KHDRBS2: variants seen among roughly 807,000 people sequenced by gnomAD.
KHDRBS2 encodes KH domain-containing, RNA-binding, signal transduction-associated protein 2.
In KHDRBS2, 26 loss-of-function variants were observed where a neutral mutation model predicts 44.3. The observed-to-expected ratio is 0.59, with a 90% CI of 0.43 to 0.81. The LOEUF (loss-of-function observed/expected upper bound fraction) is 0.81. Among genes scored for constraint, KHDRBS2 ranks in the 40% least tolerant of loss-of-function variants. The probability of loss-of-function intolerance (pLI) is 0.00; values close to 1 mark genes in which losing one functional copy is unlikely to be tolerated. For synonymous variants in KHDRBS2, 194 were observed against 151.1 expected, an observed-to-expected ratio of 1.28 and a Z score of -2.08; for missense variants, 476 against 433.1, an observed-to-expected ratio of 1.10 and a Z score of -0.88.
At chr6:62,283,963 T>A (rs1216564514) in intron 1 of KHDRBS2, among the ~76,000 whole-genome samples, 1 of 152,132 alleles carries the variant, frequency 6.6e-6, no homozygotes, top group African/African-American at 2.4e-5. Context: ...GATGTTTTTC[T>A]CTATTTAGGA....
the KHDRBS2 span, among the ~76,000 whole-genome samples, chr6:61,633,326 T>C: frequency 1.3e-5 from 2 of 152,008 alleles, no homozygotes; most frequent in Non-Finnish European, 2.9e-5. Flanking sequence ...TGGGAAGTAT[T>C]TGATGAACTT....
chr6:61,677,435 C>T (rs1310177967), downstream of KHDRBS2, among the ~76,000 whole-genome samples: 1 of 151,794 alleles, frequency 6.6e-6, no homozygotes, highest in East Asian at 1.9e-4. Flanking sequence ...TTTTGATGTG[C>T]AATCTTGCAG....
intron 4 of KHDRBS2, among the ~76,000 whole-genome samples, chr6:61,955,396 A>G: frequency 3.1e-5 from 1 of 32,618 alleles, no homozygotes; most frequent in Non-Finnish European, 5.2e-5. Flanking sequence ...ACGTATGTGT[A>G]TGTATACATA....
At chr6:61,558,366 A>T in the KHDRBS2 span, among the ~76,000 whole-genome samples, 1 of 152,098 alleles carries the variant, frequency 6.6e-6, no homozygotes, top group Admixed American at 6.6e-5. Flanking sequence ...GCTTGATACC[A>T]GCCTGAGCAA....
chr6:61,629,000 A>G, the KHDRBS2 span, among the ~76,000 whole-genome samples: 1 of 152,200 alleles, frequency 6.6e-6, no homozygotes, highest in Non-Finnish European at 1.5e-5. Context: ...TGAAGGTGAG[A>G]AAAATATTTT....
chr6:61,983,248 T>TCTTTCTTTCTTTC (rs1416908763), intron 3 of KHDRBS2, among the ~76,000 whole-genome samples: 67 of 42,552 alleles, frequency 1.6e-3, no homozygotes, highest in Middle Eastern at 0.01. Context: ...TTTTTTTTTT[T>TCTTTCTTTCTTTC]TTTTTTTTTA....
chr6:61,795,150 A>G (rs796750633), intron 6 of KHDRBS2, among the ~76,000 whole-genome samples: 32 of 148,662 alleles, frequency 2.2e-4, no homozygotes, highest in African/African-American at 7.3e-4. Flanking sequence ...GTCTCAAAAA[A>G]AAAAAAAAAA....
chr6:61,843,514 A>AC (rs1383552669), intron 6 of KHDRBS2, among the ~76,000 whole-genome samples: 1 of 151,354 alleles, frequency 6.6e-6, no homozygotes, highest in Non-Finnish European at 1.5e-5. Context: ...ACAGCCATGT[A>AC]CCCCCACACC....
At chr6:62,040,252 C>T (rs567040674) in intron 3 of KHDRBS2, among the ~76,000 whole-genome samples, 33 of 152,010 alleles carry the variant, frequency 2.2e-4, no homozygotes, top group Admixed American at 1.2e-3. Flanking sequence ...CACGCATGCA[C>T]GCACACGCAC....
At chr6:61,701,059 C>T (rs1369138291) in intron 7 of KHDRBS2, among the ~76,000 whole-genome samples, 1 of 151,500 alleles carries the variant, frequency 6.6e-6, no homozygotes, top group African/African-American at 2.4e-5. Context: ...GTGGTGGGTG[C>T]AAAGAAAAAA....
At position 61,955,600 on chromosome 6, in the gene KHDRBS2, G is replaced by A. The variant is rs115364148; in HGVS notation, c.483+22466C>T. ...CGTATGTATGTATGTATACATGTGT[G>A]TATATACACGTATGTATGTATGCAT... On this transcript the variant is annotated intron_variant, in intron 4 of 8. Transcript: ENST00000281156. Among the ~76,000 whole-genome samples, 35 of 38,736 alleles carry A rather than the reference G, an allele frequency of 9.0e-4. 8 individuals are homozygous for A. The highest frequency in any genetic ancestry group is 8.3e-3 in the Admixed American group (29 of 3,478). 25.4% of individuals were successfully genotyped at this position (38,736 alleles called of 152,430 possible).
chr6:62,071,091 G>C (rs1408819126), intron 2 of KHDRBS2, among the ~76,000 whole-genome samples: 1 of 152,198 alleles, frequency 6.6e-6, no homozygotes, highest in African/African-American at 2.4e-5. Flanking sequence ...GATGGCAAGT[G>C]ATGATGAGCA....
intron 1 of KHDRBS2, among the ~76,000 whole-genome samples, chr6:62,210,453 C>A (rs563399783): frequency 6.6e-6 from 1 of 151,914 alleles, no homozygotes; most frequent in South Asian, 2.1e-4. Context: ...GCCTCGGCCC[C>A]CAGAGTCACT....
intron 2 of KHDRBS2, among the ~76,000 whole-genome samples, chr6:62,053,504 C>T (rs967745173): frequency 6.6e-6 from 1 of 151,868 alleles, no homozygotes; most frequent in African/African-American, 2.4e-5. Flanking sequence ...GTAATTTACC[C>T]ATTAACAAAT....
chr6:61,768,538 C>T (rs1365801932), intron 6 of KHDRBS2, among the ~76,000 whole-genome samples: 4 of 152,046 alleles, frequency 2.6e-5, no homozygotes, highest in Admixed American at 1.3e-4. Flanking sequence ...GTATGCTTCA[C>T]TCTTTTTTAT....
intron 2 of KHDRBS2, among the ~76,000 whole-genome samples, chr6:62,104,303 T>C (rs185630892): frequency 5.5e-4 from 84 of 152,184 alleles, no homozygotes; most frequent in African/African-American, 2.0e-3. Flanking sequence ...CTTTTTTTTT[T>C]AATTATACTT....
chr6:61,544,272 A>T, the KHDRBS2 span, among the ~76,000 whole-genome samples: 11 of 152,080 alleles, frequency 7.2e-5, no homozygotes, highest in Admixed American at 5.2e-4. Flanking sequence ...AGTTTTAAAA[A>T]AGCATTATTC....
intron 3 of KHDRBS2, among the ~76,000 whole-genome samples, chr6:62,034,693 GAAAAAA>G (rs1171214560): frequency 1.6e-5 from 1 of 60,758 alleles, no homozygotes; most frequent in East Asian, 5.4e-4. Context: ...ATTCTGAACA[GAAAAAA>G]AAAAAAAAAA....
At chr6:61,875,637 C>T (rs1799308067) in intron 6 of KHDRBS2, among the ~76,000 whole-genome samples, 1 of 152,122 alleles carries the variant, frequency 6.6e-6, no homozygotes, top group Non-Finnish European at 1.5e-5. Flanking sequence ...AGTATTATAT[C>T]TATCCTTCTA....
Sources: allele counts gnomAD v4.1 joint callset (sites outside exome capture counted in the v4.1 genomes callset), GRCh38; gene constraint gnomAD v4.1.1; transcripts MANE v1.5; gene names NCBI Gene and HGNC (gene_info 2026-07-23, HGNC 2026-07-21).